Variants in RASGEF1A observed in about 807,000 individuals in gnomAD.
The protein encoded by RASGEF1A is ras-GEF domain-containing family member 1A.
RASGEF1A carries 18 observed loss-of-function variants against 56.4 expected under a neutral mutation model. That is an observed-to-expected ratio of 0.32 (90% CI 0.22 to 0.47). RASGEF1A has a LOEUF of 0.47. RASGEF1A is among the 20% of genes least tolerant of loss of function. RASGEF1A has a pLI of 1.00. For missense variants in RASGEF1A, 422 were observed against 627.1 expected (o/e 0.67, Z 3.49); for synonymous variants, 245 against 242.6 (o/e 1.01, Z -0.09).
chr10:43,201,659 G>T, intron 4 of RASGEF1A, 149 bp downstream of exon 4: 1 of 774,722 alleles, frequency 1.3e-6, no homozygotes, highest in Non-Finnish European at 1.9e-6. Flanking sequence ...CTGGGGGAAG[G>T]GAGGTTGAAT....
chr10:43,263,052 G>A (rs143121758), intron 1 of RASGEF1A, among the ~76,000 whole-genome samples: 259 of 152,268 alleles, frequency 1.7e-3, no homozygotes, highest in African/African-American at 5.8e-3. Context: ...ATCGTCACCC[G>A]GGAGGCGTCC....
chr10:43,248,536 C>T (rs1840592237), intron 1 of RASGEF1A, among the ~76,000 whole-genome samples: 1 of 152,138 alleles, frequency 6.6e-6, no homozygotes, highest in South Asian at 2.1e-4. Context: ...CATCCCACTA[C>T]CAGGACAGCA....
At position 43,198,189 on chromosome 10, in the gene RASGEF1A, T is replaced by A. The variant is rs200569855; in HGVS notation, c.1039A>T (p.Met347Leu). ...TTGCAGAAGTTGCTGGACGGGTCCA[T>A]GTGATGCTGTGGGCACAGGGAGGAC... Reference protein sequence around the residue: ...TAKFDVLEHHMDPSSNFCNYR... With the variant: ...TAKFDVLEHHLDPSSNFCNYR... The change falls in exon 10 of 13, where the codon ATG becomes TTG. Residue 347 changes from methionine (M) to leucine (L), a missense_variant. Met to Leu is a conservative substitution (Grantham distance 15). This residue lies in a region of RASGEF1A where 149 missense variants were observed against 287.2 expected (regional missense o/e 0.52). Coordinates refer to ENST00000395810, the MANE Select transcript of RASGEF1A (RefSeq NM_145313.4). 141 of 1,608,978 alleles carry A rather than the reference T, an allele frequency of 8.8e-5. No homozygotes were observed. Among genetic ancestry groups the A allele is most frequent in the Non-Finnish European group, 1.1e-5 (13 of 1,176,118 alleles).
chr10:43,214,397 G>T (rs1415844393), intron 1 of RASGEF1A, among the ~76,000 whole-genome samples: 1 of 152,212 alleles, frequency 6.6e-6, no homozygotes, highest in Non-Finnish European at 1.5e-5. Context: ...CCTCATAAAA[G>T]ATCCCCAGGG....
At chr10:43,260,209 C>T (rs934758914) in intron 1 of RASGEF1A, among the ~76,000 whole-genome samples, 14 of 152,218 alleles carry the variant, frequency 9.2e-5, no homozygotes, top group Non-Finnish European at 1.9e-4. Context: ...TGAATGTGTA[C>T]ACCCAGAGCC....
intron 1 of RASGEF1A, among the ~76,000 whole-genome samples, chr10:43,256,644 A>C (rs1836413276): frequency 6.6e-6 from 1 of 152,202 alleles, no homozygotes; most frequent in East Asian, 1.9e-4. Flanking sequence ...CGCTTCCCCC[A>C]CACAGTCTCC....
At chr10:43,227,996 C>T (rs1445534595) in intron 1 of RASGEF1A, among the ~76,000 whole-genome samples, 1 of 152,106 alleles carries the variant, frequency 6.6e-6, no homozygotes, top group African/African-American at 2.4e-5. Context: ...TGGCACTCTG[C>T]TAGCTTCACC....
chr10:43,228,288 C>T (rs1331552732), intron 1 of RASGEF1A, among the ~76,000 whole-genome samples: 4 of 152,194 alleles, frequency 2.6e-5, no homozygotes, highest in African/African-American at 7.2e-5. Flanking sequence ...CCTGTGCACA[C>T]GTCTCCTCTG....
intron 3 of RASGEF1A, chr10:43,202,648 G>GCCCCCCCCCCCCC: frequency 1.1e-5 from 5 of 459,814 alleles, no homozygotes; most frequent in Non-Finnish European, 1.8e-5. Flanking sequence ...CCCGCCCCCG[G>GCCCCCCCCCCCCC]CCCCCGCACC....
rs12359762 is a variant in RASGEF1A at position 43,255,236 on chromosome 10, C to T, written c.-7+11609G>A. ...CTGCACGGCCCCACCCAGGCCCCAG[C>T]GCCCTCCAGGCCCCTCACACCACCT... On this transcript the variant is annotated intron_variant, in intron 1 of 12. Transcript: ENST00000395810. Among the ~76,000 whole-genome samples the T allele has an allele frequency of 7.7e-4, 117 of 152,312 alleles. 1 individual carries two copies. Among genetic ancestry groups the T allele is most frequent in the Middle Eastern group, 3.4e-3 (1 of 294 alleles).
At chr10:43,266,557 G>A (rs1040841196) in intron 1 of RASGEF1A, among the ~76,000 whole-genome samples, 1 of 150,262 alleles carries the variant, frequency 6.7e-6, no homozygotes, top group African/African-American at 2.4e-5. Context: ...GGCCCGGCCC[G>A]GCCCGGCCCG....
intron 1 of RASGEF1A, among the ~76,000 whole-genome samples, chr10:43,244,789 A>T (rs1183504465): frequency 6.6e-6 from 1 of 152,228 alleles, no homozygotes; most frequent in Non-Finnish European, 1.5e-5. Flanking sequence ...AACATGCCAA[A>T]CTTACGGAAT....
intron 1 of RASGEF1A, among the ~76,000 whole-genome samples, chr10:43,264,748 C>T (rs546566046): frequency 6.6e-6 from 1 of 152,094 alleles, no homozygotes; most frequent in African/African-American, 2.4e-5. Context: ...TGGCACCTAC[C>T]CCCAGCAGCC....
At chr10:43,226,128 G>A (rs1840277462) in intron 1 of RASGEF1A, among the ~76,000 whole-genome samples, 1 of 152,242 alleles carries the variant, frequency 6.6e-6, no homozygotes, top group African/African-American at 2.4e-5. Context: ...CCAGGGCCCA[G>A]CCAGCAGCAG....
chr10:43,208,615 C>T (rs1840027680), intron 1 of RASGEF1A: 9 of 985,528 alleles, frequency 9.1e-6, no homozygotes, highest in Non-Finnish European at 1.1e-5. Flanking sequence ...CCGCACTGAC[C>T]TGAGAGGTGG....
chr10:43,244,349 C>T (rs71505668), intron 1 of RASGEF1A, among the ~76,000 whole-genome samples: 26,105 of 149,950 alleles, frequency 0.17, 3,413 homozygotes, highest in South Asian at 0.26. Flanking sequence ...CCTGCCACAT[C>T]CCCCTCTCTG....
At chr10:43,204,161 G>A (rs1352063925) in intron 2 of RASGEF1A, among the ~76,000 whole-genome samples, 1 of 152,160 alleles carries the variant, frequency 6.6e-6, no homozygotes, top group African/African-American at 2.4e-5. Flanking sequence ...GGACAGGGTA[G>A]ACTTGCAGGT....
At chr10:43,265,544 G>A (rs1836608433) in intron 1 of RASGEF1A, among the ~76,000 whole-genome samples, 1 of 152,252 alleles carries the variant, frequency 6.6e-6, no homozygotes, top group Non-Finnish European at 1.5e-5. Context: ...TCCAGCCAAG[G>A]TCCTCCATGT....
At position 43,263,987 on chromosome 10, in the gene RASGEF1A, A is replaced by G. The variant is rs1836580094; in HGVS notation, c.-7+2858T>C. Among the ~76,000 whole-genome samples the G allele has an allele frequency of 3.3e-5, 5 of 151,916 alleles. No individual in the cohort carries two copies. The South Asian group carries it at 1.0e-3, about 32-fold the overall frequency. Reference sequence around the variant, plus strand: ...CGGTCACCCCTCACAGCCCTCTGTCATGGTGCCTGGAGCAGCCTCTACCAG... The same window carrying G: ...CGGTCACCCCTCACAGCCCTCTGTCGTGGTGCCTGGAGCAGCCTCTACCAG... On this transcript the variant is annotated intron_variant, in intron 1 of 12. Coordinates refer to ENST00000395810, the MANE Select transcript of RASGEF1A (RefSeq NM_145313.4).
Sources: allele counts gnomAD v4.1 joint callset (sites outside exome capture counted in the v4.1 genomes callset), GRCh38; gene constraint gnomAD v4.1.1; regional missense constraint gnomAD v4.1.1; transcripts MANE v1.5; gene names NCBI Gene and HGNC (gene_info 2026-07-23, HGNC 2026-07-21).